HS3ST5: variants seen among roughly 807,000 people sequenced by gnomAD.
HS3ST5 encodes the protein heparan sulfate-glucosamine 3-sulfotransferase 5.
HS3ST5 carries 10 observed loss-of-function variants against 25.4 expected under a neutral mutation model. The observed-to-expected ratio is 0.39, with a 90% CI of 0.24 to 0.67. The LOEUF is 0.67. Among genes scored for constraint, HS3ST5 ranks in the 30% least tolerant of loss-of-function variants. The pLI, the probability that HS3ST5 is intolerant of heterozygous loss-of-function variation, is 0.44. For synonymous variants in HS3ST5, 170 were observed against 162.4 expected (o/e 1.05, Z -0.36); for missense variants, 324 against 420.7 (o/e 0.77, Z 2.01).
chr6:114,155,923 A>G (rs1778677188), intron 3 of HS3ST5, among the ~76,000 whole-genome samples: 1 of 152,208 alleles, frequency 6.6e-6, no homozygotes, highest in Non-Finnish European at 1.5e-5. Flanking sequence ...GCCTGTAGAA[A>G]TGAATAAGCT....
At chr6:114,273,897 C>G (rs1773738139) in intron 1 of HS3ST5, among the ~76,000 whole-genome samples, 1 of 151,184 alleles carries the variant, frequency 6.6e-6, no homozygotes, top group Non-Finnish European at 1.5e-5. Flanking sequence ...CTCTAAAAGG[C>G]AAAAGAAAAA....
chr6:114,204,283 G>T (rs1229658779), intron 2 of HS3ST5, among the ~76,000 whole-genome samples: 1 of 152,136 alleles, frequency 6.6e-6, no homozygotes, highest in Non-Finnish European at 1.5e-5. Flanking sequence ...TGACCTTGAG[G>T]CTTCTTCAGT....
chr6:114,260,245 T>C (rs944242565), intron 1 of HS3ST5, among the ~76,000 whole-genome samples: 5 of 152,188 alleles, frequency 3.3e-5, no homozygotes, highest in African/African-American at 9.6e-5. Context: ...TATATCGCTT[T>C]GATGAACATA....
At chr6:114,113,894 T>C (rs1210218242) in intron 3 of HS3ST5, among the ~76,000 whole-genome samples, 1 of 152,108 alleles carries the variant, frequency 6.6e-6, no homozygotes, top group African/African-American at 2.4e-5. Flanking sequence ...GATGCCTGTG[T>C]ATCATTACAT....
At chr6:114,192,136 G>A (rs1780534465) in intron 2 of HS3ST5, among the ~76,000 whole-genome samples, 1 of 152,018 alleles carries the variant, frequency 6.6e-6, no homozygotes, top group African/African-American at 2.4e-5. Context: ...TTTGAACCAG[G>A]GTTTTAAAAC....
intron 2 of HS3ST5, among the ~76,000 whole-genome samples, chr6:114,181,944 GT>G (rs1237227295): frequency 1.3e-4 from 19 of 151,936 alleles, no homozygotes; most frequent in African/African-American, 4.6e-4. Context: ...GAATTGCAAA[GT>G]TTTCTGAAGG....
chr6:114,172,014 G>C (rs995220342), intron 2 of HS3ST5, among the ~76,000 whole-genome samples: 1 of 151,874 alleles, frequency 6.6e-6, no homozygotes, highest in Non-Finnish European at 1.5e-5. Flanking sequence ...AAACCTCTAT[G>C]GTTGGGGAGA....
intron 3 of HS3ST5, among the ~76,000 whole-genome samples, chr6:114,069,557 TC>T (rs1773671202): frequency 6.7e-6 from 1 of 149,750 alleles, no homozygotes; most frequent in Non-Finnish European, 1.5e-5. Context: ...TCTCGCTCTG[TC>T]GCCAGGCTGG....
At chr6:114,216,250 C>G (rs934996910) in intron 2 of HS3ST5, among the ~76,000 whole-genome samples, 4 of 152,182 alleles carry the variant, frequency 2.6e-5, no homozygotes, top group Non-Finnish European at 4.4e-5. Context: ...TGGAGTAAAT[C>G]AAATCATTCA....
At chr6:114,085,235 T>C (rs1774732673) in intron 3 of HS3ST5, among the ~76,000 whole-genome samples, 1 of 152,212 alleles carries the variant, frequency 6.6e-6, no homozygotes, top group South Asian at 2.1e-4. Context: ...CTGTTCATTT[T>C]ATAAGAAACT....
intron 2 of HS3ST5, among the ~76,000 whole-genome samples, chr6:114,220,100 T>C (rs1781962438): frequency 4.6e-5 from 7 of 152,188 alleles, no homozygotes; most frequent in Middle Eastern, 3.4e-3. Context: ...GTTTAATAAA[T>C]GGTATGCCTG....
intron 1 of HS3ST5, among the ~76,000 whole-genome samples, chr6:114,294,441 CTTTTTTT>C (rs57443813): frequency 8.9e-6 from 1 of 112,968 alleles, no homozygotes; most frequent in Non-Finnish European, 1.8e-5. Context: ...AGGTTAGAAA[CTTTTTTT>C]TTTTTTTTTT....
intron 1 of HS3ST5, among the ~76,000 whole-genome samples, chr6:114,249,428 T>C (rs1280199762): frequency 6.6e-6 from 1 of 152,184 alleles, no homozygotes; most frequent in Non-Finnish European, 1.5e-5. Flanking sequence ...CCCTTGGAAA[T>C]CCTGGGATAC....
chr6:114,066,555 C>T lies in HS3ST5; in HGVS notation c.-32-3678G>A, dbSNP rs375213738. 2.6e-5 allele frequency among the ~76,000 whole-genome samples: 4 copies of T among 152,258 alleles called. No individual in the cohort carries two copies. In the East Asian group the frequency reaches 5.8e-4, roughly 22 times the overall value. ...GGCTGAGGTGGGAGAATCACTTGAA[C>T]CCGGGAGGCGGAGGTTGTAGTGAAC... On this transcript the variant is annotated intron_variant, in intron 3 of 4. Transcript: ENST00000312719.
chr6:114,275,402 A>G (rs915151511), intron 1 of HS3ST5, among the ~76,000 whole-genome samples: 2 of 152,080 alleles, frequency 1.3e-5, no homozygotes, highest in East Asian at 3.9e-4. Flanking sequence ...ACTAAACTTT[A>G]CATTAACACC....
intron 3 of HS3ST5, among the ~76,000 whole-genome samples, chr6:114,068,007 G>A (rs764435536): frequency 3.3e-5 from 5 of 152,128 alleles, no homozygotes; most frequent in Non-Finnish European, 7.4e-5. Context: ...GGGAACATTT[G>A]TGCATTGTGC....
intron 3 of HS3ST5, among the ~76,000 whole-genome samples, chr6:114,124,278 G>A (rs1003368938): frequency 6.6e-6 from 1 of 152,118 alleles, no homozygotes; most frequent in African/African-American, 2.4e-5. Context: ...TCCCAACCCA[G>A]GTCAGACCTG....
chr6:114,106,539 A>G (rs544540315), intron 3 of HS3ST5, among the ~76,000 whole-genome samples: 4 of 152,228 alleles, frequency 2.6e-5, no homozygotes, highest in Non-Finnish European at 4.4e-5. Context: ...AAATACATCT[A>G]TAACAACTTT....
intron 3 of HS3ST5, among the ~76,000 whole-genome samples, chr6:114,126,512 T>C (rs1479141678): frequency 1.3e-5 from 2 of 152,220 alleles, no homozygotes; most frequent in Non-Finnish European, 2.9e-5. Context: ...AAGAAATTAC[T>C]TAAGCATTCT....
Sources: gnomAD v4.1 joint callset for allele counts (sites outside exome capture counted in the v4.1 genomes callset) on GRCh38, gnomAD v4.1.1 for gene constraint, MANE v1.5 for transcripts, NCBI Gene and HGNC (gene_info 2026-07-23, HGNC 2026-07-21) for gene names.